Variants in FGD6 observed in about 807,000 individuals in gnomAD.
FGD6 encodes FYVE, RhoGEF and PH domain containing 6, also known as FYVE, RhoGEF and PH domain-containing protein 6.
In FGD6, 90 loss-of-function variants were observed where a neutral mutation model predicts 149.4. The observed-to-expected ratio is 0.60, with a 90% CI of 0.51 to 0.72. FGD6 has a LOEUF of 0.72. FGD6 is among the 30% of genes least tolerant of loss of function. The pLI is 0.00. For synonymous variants in FGD6, 527 were observed against 584.0 expected, an observed-to-expected ratio of 0.90 and a Z score of 1.41; for missense variants, 1,437 against 1,684.8, an observed-to-expected ratio of 0.85 and a Z score of 2.57.
Position 95,209,998 on chromosome 12 carries a change from G to T in FGD6, c.1286C>A (p.Thr429Lys). Residue 429 changes from threonine to lysine, a missense_variant, in exon 2 of 21, where the codon ACA becomes AAA. Physicochemically the swap from Thr to Lys is moderately conservative, Grantham distance 78 (BLOSUM62 -1). Transcript: ENST00000343958. ...CGACATACTAGAACCATCTACAGTTGTGCTGTCAGAACTCAAATTAGAGTC... is the reference window on the plus strand; with the variant it reads ...CGACATACTAGAACCATCTACAGTTTTGCTGTCAGAACTCAAATTAGAGTC... The part of the protein sequence containing the change: ...DKDSNLSSDS[T>K]TVDGSSMSLA... 1 of 1,613,408 alleles carries T rather than the reference G, an allele frequency of 6.2e-7. No homozygotes were observed.
chr12:95,193,332 G>A (rs1254314455), intron 2 of FGD6, among the ~76,000 whole-genome samples: 1 of 151,822 alleles, frequency 6.6e-6, no homozygotes, highest in Non-Finnish European at 1.5e-5. Context: ...GCAACAACTT[G>A]GATGGCTCTA....
chr12:95,087,320 G>A (rs1304073515), intron 18 of FGD6, among the ~76,000 whole-genome samples: 1 of 152,084 alleles, frequency 6.6e-6, no homozygotes, highest in African/African-American at 2.4e-5. Flanking sequence ...CAGGACCTAC[G>A]ACTTGCTTCT....
At position 95,148,642 on chromosome 12, in the gene FGD6, T is replaced by C. The variant is rs1276508671; in HGVS notation, c.2685+4169A>G. 3.1e-4 allele frequency among the ~76,000 whole-genome samples: 34 copies of C among 110,142 alleles called. 3 individuals are homozygous for C. The highest frequency in any genetic ancestry group is 1.3e-3 in the African/African-American group (34 of 26,730). 72.3% of individuals were successfully genotyped at this position (110,142 alleles called of 152,430 possible). On this transcript the variant is annotated intron_variant, in intron 5 of 20. Coordinates refer to ENST00000343958, the MANE Select transcript of FGD6 (RefSeq NM_018351.4). ...ATATAATACATAGCATATGTTATAT[T>C]ATATATATTATATATTATATAATAC...
chr12:95,186,225 CTTCTTTTTTTTTTTTT>C lies in FGD6; in HGVS notation c.2442-13497_2442-13482del, dbSNP rs1565918768. 3.0e-4 allele frequency among the ~76,000 whole-genome samples: 21 copies of C among 71,184 alleles called. 4 individuals carry two copies. The highest frequency in any genetic ancestry group is 5.9e-4 in the African/African-American group (11 of 18,656). The allele number at this position is 71,184 out of a possible 152,430, so 46.7% of individuals were successfully genotyped here. A position where few individuals can be genotyped will look rare whatever the true frequency, so the allele number is the denominator to read the frequency against. The stretch of plus-strand genomic sequence containing the variant: ...AGCTAAGAATGCTTCTTATATTCTT[CTTCTTTTTTTTTTTTT>C]TTTTTTTTTTTTTTTTTTTTTTTTT... On this transcript the variant is annotated intron_variant, in intron 2 of 20. Coordinates refer to ENST00000343958, the MANE Select transcript of FGD6 (RefSeq NM_018351.4).
At chr12:95,104,917 A>C in intron 14 of FGD6, 90 bp downstream of exon 14, 3 of 1,149,180 alleles carry the variant, frequency 2.6e-6, no homozygotes, top group Non-Finnish European at 3.7e-6. Context: ...TGTCTCAAAA[A>C]AAACCAAAAA....
chr12:95,183,840 C>G (rs905587800), intron 2 of FGD6, among the ~76,000 whole-genome samples: 1 of 152,030 alleles, frequency 6.6e-6, no homozygotes, highest in Non-Finnish European at 1.5e-5. Flanking sequence ...CTGTCTCAAA[C>G]AACAAAAACA....
At chr12:95,190,548 A>G (rs1270285033) in intron 2 of FGD6, among the ~76,000 whole-genome samples, 1 of 152,092 alleles carries the variant, frequency 6.6e-6, no homozygotes, top group African/African-American at 2.4e-5. Context: ...TTCCATATCG[A>G]TATCTAATTA....
At chr12:95,130,625 T>C (rs910697454) in intron 8 of FGD6, among the ~76,000 whole-genome samples, 1 of 152,174 alleles carries the variant, frequency 6.6e-6, no homozygotes, top group Non-Finnish European at 1.5e-5. Context: ...AGGCCTGTGA[T>C]GCCAGCACTT....
In FGD6 at chr12:95,172,754, A is replaced by G. The variant is rs747518118; in HGVS notation, c.2442-10T>C. The G allele has an allele frequency of 1.3e-6, 2 of 1,572,064 alleles. No homozygotes were observed. The highest frequency in any genetic ancestry group is 1.2e-5 in the South Asian group (1 of 83,368). ...CTGGGATGCTCCTGAACTGCATTCA[A>G]CAGAAAGCAGGTATTAGTCACCTTC... On this transcript the variant is annotated splice_polypyrimidine_tract_variant and intron_variant, in intron 2 of 20. Coordinates refer to ENST00000343958, the MANE Select transcript of FGD6 (RefSeq NM_018351.4).
intron 8 of FGD6, among the ~76,000 whole-genome samples, chr12:95,116,166 C>A (rs1039487611): frequency 6.6e-6 from 1 of 152,198 alleles, no homozygotes; most frequent in African/African-American, 2.4e-5. Context: ...TCTGACCCCA[C>A]TCAGAATGCA....
chr12:95,202,390 AAAAATAAAAT>A lies in FGD6; in HGVS notation c.2441+6443_2441+6452del, dbSNP rs59414022. Among the ~76,000 whole-genome samples the A allele has an allele frequency of 1.2e-3, 174 of 141,790 alleles. 1 individual carries two copies. The highest frequency in any genetic ancestry group is 3.9e-3 in the African/African-American group (149 of 38,050). The allele number at this position is 141,790 out of a possible 152,430, so 93.0% of individuals were successfully genotyped here. The stretch of plus-strand genomic sequence containing the variant: ...CGACACAGTGAGACTCCATTTCCCA[AAAAATAAAAT>A]AAAATAAAATAAAATAAAATAAAAT... On this transcript the variant is annotated intron_variant, in intron 2 of 20. Coordinates refer to ENST00000343958, the MANE Select transcript of FGD6 (RefSeq NM_018351.4).
In FGD6 at chr12:95,116,315, CA is replaced by C. The variant is rs1879011209; in HGVS notation, c.3083-2615del. The stretch of plus-strand genomic sequence containing the variant: ...TCAAACCCTAAGCTACCTCATTAAT[CA>C]AGTGATTTTCCTTAAGCTGTTAGAT... On this transcript the variant is annotated intron_variant, in intron 8 of 20. Coordinates refer to ENST00000343958, the MANE Select transcript of FGD6 (RefSeq NM_018351.4). 2.0e-5 allele frequency among the ~76,000 whole-genome samples: 3 copies of C among 152,268 alleles called. No homozygotes were observed. In the South Asian group the frequency reaches 6.2e-4, roughly 32 times the overall value.
intron 7 of FGD6, among the ~76,000 whole-genome samples, 171 bp downstream of exon 7, chr12:95,137,348 TACA>T (rs1879697000): frequency 1.3e-5 from 2 of 152,222 alleles, no homozygotes; most frequent in African/African-American, 4.8e-5. Flanking sequence ...TTAAGTCATG[TACA>T]TTCTTGAGTT....
At position 95,084,201 on chromosome 12, in the gene FGD6, C is replaced by T. The variant is rs117928478; in HGVS notation, c.4256+297G>A. On this transcript the variant is annotated intron_variant, in intron 20 of 20. Transcript: ENST00000343958. The stretch of plus-strand genomic sequence containing the variant: ...AGGAGAGGTCAAATGCCTTAGCTTT[C>T]CTTCCTTTCAGCAGAGCAGCATCAC... 9.6e-3 allele frequency among the ~76,000 whole-genome samples: 1,456 copies of T among 152,330 alleles called. 14 individuals are homozygous for T. The highest frequency in any genetic ancestry group is 0.016 in the Non-Finnish European group (1,068 of 68,038).
intron 2 of FGD6, among the ~76,000 whole-genome samples, chr12:95,196,415 A>G (rs1881737511): frequency 6.6e-6 from 1 of 151,974 alleles, no homozygotes; most frequent in Admixed American, 6.6e-5. Flanking sequence ...TCTTTTTAGT[A>G]GAGACGGGGT....
intron 2 of FGD6, among the ~76,000 whole-genome samples, chr12:95,188,156 G>A: frequency 1.1e-5 from 1 of 90,966 alleles, no homozygotes; most frequent in East Asian, 2.9e-4. Flanking sequence ...GCAATATAAA[G>A]CAAAGAGTCC....
At chr12:95,150,031 CA>C (rs1414779710) in intron 5 of FGD6, among the ~76,000 whole-genome samples, 2 of 121,298 alleles carry the variant, frequency 1.6e-5, no homozygotes, top group Non-Finnish European at 3.4e-5. Context: ...CACACACACA[CA>C]CTTTTTTTTT....
intron 2 of FGD6, among the ~76,000 whole-genome samples, chr12:95,197,339 G>A (rs1881758300): frequency 6.6e-6 from 1 of 152,156 alleles, no homozygotes; most frequent in Non-Finnish European, 1.5e-5. Context: ...TCAGGAGGCT[G>A]AGGCAGAAGA....
chr12:95,163,981 C>A (rs1880720202), intron 3 of FGD6, among the ~76,000 whole-genome samples: 1 of 152,196 alleles, frequency 6.6e-6, no homozygotes, highest in Admixed American at 6.5e-5. Flanking sequence ...AACACACACC[C>A]CATGGCATCT....
Sources: gnomAD v4.1 joint callset for allele counts (sites outside exome capture counted in the v4.1 genomes callset) on GRCh38, gnomAD v4.1.1 for gene constraint, MANE v1.5 for transcripts, NCBI Gene and HGNC (gene_info 2026-07-23, HGNC 2026-07-21) for gene names.